The following KCNH7 variants were observed in gnomAD, a reference collection of about 807,000 sequenced individuals.
KCNH7 encodes potassium voltage-gated channel subfamily H member 7, also known as voltage-gated inwardly rectifying potassium channel KCNH7.
KCNH7 carries 49 observed loss-of-function variants against 120.8 expected under a neutral mutation model. The ratio of observed to expected loss-of-function variants is 0.41; its 90% CI spans 0.32 to 0.51. The LOEUF (loss-of-function observed/expected upper bound fraction) is 0.51. Ranked by LOEUF, KCNH7 falls within the 20% of genes least tolerant of loss-of-function variation. The pLI, the probability that KCNH7 is intolerant of heterozygous loss-of-function variation, is 0.38. For missense variants in KCNH7, 1,097 were observed against 1,446.6 expected, an observed-to-expected ratio of 0.76 and a Z score of 3.92; for synonymous variants, 547 against 516.1, an observed-to-expected ratio of 1.06 and a Z score of -0.81.
At chr2:162,645,650 A>G (rs991601909) in intron 2 of KCNH7, among the ~76,000 whole-genome samples, 1 of 152,324 alleles carries the variant, frequency 6.6e-6, no homozygotes, top group East Asian at 1.9e-4. Context: ...GTTATAAACC[A>G]TGTGTATTTC....
intron 14 of KCNH7, among the ~76,000 whole-genome samples, chr2:162,376,665 G>T (rs1022303049): frequency 2.0e-5 from 3 of 151,984 alleles, no homozygotes; most frequent in Non-Finnish European, 4.4e-5. Context: ...CCTGGCCAAG[G>T]TGTGGTCTTT....
At chr2:162,566,758 G>A (rs1406171605) in intron 2 of KCNH7, among the ~76,000 whole-genome samples, 1 of 152,016 alleles carries the variant, frequency 6.6e-6, no homozygotes, top group African/African-American at 2.4e-5. Context: ...TGGTCAGGTA[G>A]AGATCAAGAT....
intron 4 of KCNH7, among the ~76,000 whole-genome samples, chr2:162,515,841 T>C (rs1200038347): frequency 1.3e-5 from 2 of 151,482 alleles, no homozygotes; most frequent in African/African-American, 4.9e-5. Context: ...CTAATTGCTC[T>C]TGTATCTTTT....
intron 2 of KCNH7, among the ~76,000 whole-genome samples, chr2:162,836,144 A>G (rs1183365210): frequency 6.6e-6 from 1 of 152,188 alleles, no homozygotes; most frequent in Non-Finnish European, 1.5e-5. Flanking sequence ...TTTCAACATA[A>G]ATTTGCTTTG....
At chr2:162,550,272 T>G (rs370323817) in intron 2 of KCNH7, among the ~76,000 whole-genome samples, 1 of 152,204 alleles carries the variant, frequency 6.6e-6, no homozygotes, top group Non-Finnish European at 1.5e-5. Flanking sequence ...AATATATGTC[T>G]GCTGCATTTC....
chr2:162,820,986 AG>A (rs1442729304), intron 2 of KCNH7, among the ~76,000 whole-genome samples: 1 of 152,178 alleles, frequency 6.6e-6, no homozygotes, highest in South Asian at 2.1e-4. Context: ...CAGCTTTTTC[AG>A]GGGTGTCCCT....
chr2:162,543,743 C>A (rs768849607), intron 2 of KCNH7, among the ~76,000 whole-genome samples: 1 of 151,960 alleles, frequency 6.6e-6, no homozygotes, highest in Non-Finnish European at 1.5e-5. Flanking sequence ...GACTCAGATT[C>A]CTCATCTATA....
chr2:162,387,193 T>C (rs1686600107), intron 12 of KCNH7, among the ~76,000 whole-genome samples: 1 of 149,680 alleles, frequency 6.7e-6, no homozygotes, highest in Admixed American at 6.8e-5. Flanking sequence ...AACAATTTCT[T>C]TGATACAAAC....
chr2:162,384,639 T>C (rs1428750171), intron 13 of KCNH7, 49 bp downstream of exon 13: 6 of 1,565,668 alleles, frequency 3.8e-6, no homozygotes, highest in Non-Finnish European at 5.2e-6. Flanking sequence ...AGTCACCATT[T>C]TGTGATTAGC....
Position 162,371,407 on chromosome 2 carries a change from A to G in KCNH7, c.*422T>C. 2 of 1,289,520 alleles carry G rather than the reference A, an allele frequency of 1.6e-6. No homozygotes were observed. The highest frequency in any genetic ancestry group is 2.5e-5 in the South Asian group (2 of 80,976). The allele number at this position is 1,289,520 out of a possible 1,614,324, so 79.9% of individuals were successfully genotyped here. Reference sequence around the variant, plus strand: ...TTCCCTTTATCCCCCTGGAATTCCCATGAGTTGAGGATCATCTGAATTTGA... The same window carrying G: ...TTCCCTTTATCCCCCTGGAATTCCCGTGAGTTGAGGATCATCTGAATTTGA... On this transcript the variant is annotated 3_prime_UTR_variant, in exon 16 of 16. Coordinates refer to ENST00000332142, the MANE Select transcript of KCNH7 (RefSeq NM_033272.4).
intron 2 of KCNH7, among the ~76,000 whole-genome samples, chr2:162,643,910 T>G (rs1164459432): frequency 1.3e-5 from 2 of 151,570 alleles, no homozygotes; most frequent in African/African-American, 4.9e-5. Flanking sequence ...TTAAAAATAG[T>G]GACTGACACT....
At chr2:162,592,036 T>G (rs969987294) in intron 2 of KCNH7, among the ~76,000 whole-genome samples, 2 of 152,112 alleles carry the variant, frequency 1.3e-5, no homozygotes, top group African/African-American at 4.8e-5. Flanking sequence ...TTATTTTCCC[T>G]TCTACTAAAT....
intron 2 of KCNH7, among the ~76,000 whole-genome samples, chr2:162,540,964 G>A (rs750592390): frequency 2.6e-5 from 4 of 152,062 alleles, no homozygotes; most frequent in South Asian, 2.1e-4. Context: ...GAGGTAGAGC[G>A]TATAGGATTT....
chr2:162,836,736 C>T lies in KCNH7; in HGVS notation c.108G>A (p.Val36=), dbSNP rs1685676118. ...TGCAATAAATGATGGCACAGTTCTG[C>T]ACTCTGGCATTTGCAATGATAAATT... The part of the protein sequence containing the change: ...NKKFIIANAR[V]QNCAIIYCND... Residue 36 remains valine (V), a synonymous_variant, in exon 2 of 16, where the codon GTG becomes GTA. Transcript: ENST00000332142. 3 of 1,613,836 alleles carry T rather than the reference C, an allele frequency of 1.9e-6. No individual in the cohort carries two copies. Among genetic ancestry groups the T allele is most frequent in the African/African-American group, 2.7e-5 (2 of 74,888 alleles).
At position 162,605,660 on chromosome 2, in the gene KCNH7, A is replaced by T. The variant is rs190812671; in HGVS notation, c.308-68580T>A. On this transcript the variant is annotated intron_variant, in intron 2 of 15. Transcript: ENST00000332142. ...TTTCTAGATGCCTGGAAGGTGATAG[A>T]TGTGAGTACTAAAATTCTGCTTCAG... Among the ~76,000 whole-genome samples the T allele has an allele frequency of 2.0e-3, 304 of 152,280 alleles. 2 individuals carry two copies. The highest frequency in any genetic ancestry group is 6.9e-3 in the African/African-American group (288 of 41,588).
At chr2:162,435,627 C>T (rs1688206924) in intron 7 of KCNH7, 30 bp from the exon 8 acceptor site, 3 of 1,537,254 alleles carry the variant, frequency 2.0e-6, no homozygotes, top group African/African-American at 1.4e-5. Flanking sequence ...CAGTCAGAAA[C>T]GGTCGGCAAA....
At chr2:162,553,976 GTTAT>G (rs1223473265) in intron 2 of KCNH7, among the ~76,000 whole-genome samples, 1 of 152,176 alleles carries the variant, frequency 6.6e-6, no homozygotes, top group East Asian at 1.9e-4. Flanking sequence ...TTAGAATCTA[GTTAT>G]TTGAGAAATG....
intron 2 of KCNH7, among the ~76,000 whole-genome samples, chr2:162,607,156 C>T (rs1271457417): frequency 6.7e-6 from 1 of 148,358 alleles, no homozygotes; most frequent in East Asian, 2.0e-4. Flanking sequence ...GAGGGCAGAT[C>T]ACGAGGTCAG....
At chr2:162,794,552 T>G (rs1164012106) in intron 2 of KCNH7, among the ~76,000 whole-genome samples, 1 of 152,100 alleles carries the variant, frequency 6.6e-6, no homozygotes, top group Non-Finnish European at 1.5e-5. Context: ...TCTGCAAATA[T>G]TTAACAATCA....
Sources: gnomAD v4.1 joint callset for allele counts (sites outside exome capture counted in the v4.1 genomes callset) on GRCh38, gnomAD v4.1.1 for gene constraint, MANE v1.5 for transcripts, NCBI Gene and HGNC (gene_info 2026-07-23, HGNC 2026-07-21) for gene names.